The following GNPDA2 variants were observed in gnomAD, a reference collection of about 807,000 sequenced individuals.
GNPDA2 encodes glcN6P deaminase 2.
In GNPDA2, 24 loss-of-function variants were observed where a neutral mutation model predicts 27.0. The observed-to-expected ratio is 0.89, with a 90% CI of 0.64 to 1.25. GNPDA2 has a LOEUF of 1.25. Among genes scored for constraint, GNPDA2 ranks in the 50% most tolerant of loss-of-function variants. The pLI is 0.00. For missense variants in GNPDA2, 286 were observed against 335.1 expected (o/e 0.85, Z 1.14); for synonymous variants, 94 against 108.4 (o/e 0.87, Z 0.83).
intron 4 of GNPDA2, among the ~76,000 whole-genome samples, chr4:44,716,700 C>T (rs940633488): frequency 2.0e-5 from 3 of 151,842 alleles, no homozygotes; most frequent in Non-Finnish European, 4.4e-5. Flanking sequence ...CTAAAATCCA[C>T]CTGTTCCTCA....
intron 6 of GNPDA2, chr4:44,705,852 T>C (rs1716569053): frequency 1.3e-5 from 2 of 151,944 alleles, no homozygotes; most frequent in African/African-American, 2.4e-5. Context: ...AATGGGACTA[T>C]GAATACCCAT....
intron 6 of GNPDA2, chr4:44,704,820 T>C (rs1343238158): frequency 1.0e-6 from 1 of 982,966 alleles, no homozygotes; most frequent in Non-Finnish European, 1.2e-6. Flanking sequence ...ATTCTACCTT[T>C]GTCAAACTAC....
intron 5 of GNPDA2, among the ~76,000 whole-genome samples, chr4:44,708,594 C>T (rs1179591132): frequency 6.6e-6 from 1 of 151,968 alleles, no homozygotes; most frequent in African/African-American, 2.4e-5. Context: ...GCCCTAAATG[C>T]CAATGAAATA....
At chr4:44,704,825 A>G (rs1716488255) in intron 6 of GNPDA2, 1 of 983,202 alleles carries the variant, frequency 1.0e-6, no homozygotes, top group East Asian at 1.1e-4. Flanking sequence ...ACCTTTGTCA[A>G]ACTACTGAGG....
At chr4:44,708,301 C>T (rs1716743929) in intron 5 of GNPDA2, among the ~76,000 whole-genome samples, 1 of 151,992 alleles carries the variant, frequency 6.6e-6, no homozygotes, top group South Asian at 2.1e-4. Context: ...TAGAATGATA[C>T]ACCAAGTTGC....
rs1208115661 is a variant in GNPDA2 at position 44,718,340 on chromosome 4, A to G, written c.195T>C (p.Tyr65=). 4.5e-6 allele frequency: 6 copies of G among 1,339,990 alleles called. No individual in the cohort carries two copies. The highest frequency in any genetic ancestry group is 1.5e-5 in the African/African-American group (1 of 66,568). 83.0% of individuals were successfully genotyped at this position (1,339,990 alleles called of 1,614,324 possible). A position where few individuals can be genotyped will look rare whatever the true frequency, so the allele number is the denominator to read the frequency against. ...ATTCATCCATATTAAAGGTCTTCAC[A>G]TATTTAAAAGAAAGGTGTCCATTCT... ...YHKNGHLSFK[Y]VKTFNMDEYV... is the part of the protein sequence containing the mutation. Residue 65 remains tyrosine, a synonymous_variant, in exon 3 of 7, where the codon TAT becomes TAC. Coordinates refer to ENST00000295448, the MANE Select transcript of GNPDA2 (RefSeq NM_138335.3).
At chr4:44,720,393 G>A (rs1717588223) in intron 2 of GNPDA2, among the ~76,000 whole-genome samples, 1 of 151,740 alleles carries the variant, frequency 6.6e-6, no homozygotes, top group Non-Finnish European at 1.5e-5. Flanking sequence ...CTAGGAATAT[G>A]AGTGAAAGCA....
intron 4 of GNPDA2, among the ~76,000 whole-genome samples, chr4:44,716,103 T>C (rs1342321799): frequency 6.6e-6 from 1 of 151,972 alleles, no homozygotes; most frequent in Non-Finnish European, 1.5e-5. Context: ...ATGATGTACC[T>C]ATACTGAACT....
At chr4:44,712,938 A>C (rs1717062926) in intron 4 of GNPDA2, among the ~76,000 whole-genome samples, 1 of 152,212 alleles carries the variant, frequency 6.6e-6, no homozygotes, top group African/African-American at 2.4e-5. Flanking sequence ...CACTGTCTGG[A>C]GTAAATGTCA....
intron 4 of GNPDA2, 73 bp downstream of exon 4, chr4:44,717,040 A>T: frequency 9.2e-7 from 1 of 1,084,404 alleles, no homozygotes; most frequent in East Asian, 2.5e-5. Context: ...CAATGGGAAG[A>T]TTTATTTTTT....
At chr4:44,706,148 A>T (rs367611485) in intron 6 of GNPDA2, 5 of 151,852 alleles carry the variant, frequency 3.3e-5, no homozygotes, top group African/African-American at 7.2e-5. Context: ...TTGGGATGAA[A>T]TCTGAAGGGT....
At chr4:44,725,077 A>T (rs193159586) in intron 1 of GNPDA2, among the ~76,000 whole-genome samples, 1 of 152,340 alleles carries the variant, frequency 6.6e-6, no homozygotes, top group African/African-American at 2.4e-5. Context: ...AGAGCTTTCC[A>T]ATGTCTTCTG....
chr4:44,720,899 T>C (rs1263209869), intron 2 of GNPDA2, among the ~76,000 whole-genome samples: 3 of 152,094 alleles, frequency 2.0e-5, no homozygotes, highest in Non-Finnish European at 2.9e-5. Context: ...AAATTACTGT[T>C]TTTTTCTGCA....
At chr4:44,711,826 T>TATATAC (rs1560359882) in intron 4 of GNPDA2, among the ~76,000 whole-genome samples, 1 of 118,238 alleles carries the variant, frequency 8.5e-6, no homozygotes, top group Non-Finnish European at 2.0e-5. Flanking sequence ...TATATATATA[T>TATATAC]ATACACATAT....
chr4:44,721,920 T>C (rs544945460), intron 2 of GNPDA2, among the ~76,000 whole-genome samples, 164 bp downstream of exon 2: 16 of 152,184 alleles, frequency 1.1e-4, no homozygotes, highest in Admixed American at 2.0e-4. Flanking sequence ...TTGTAGATAG[T>C]AGATTTTATA....
At chr4:44,704,729 C>G (rs143699107) in intron 6 of GNPDA2, 34 of 983,938 alleles carry the variant, frequency 3.5e-5, no homozygotes, top group Non-Finnish European at 3.9e-5. Flanking sequence ...TGAAACGTTA[C>G]CAGAAGAAAG....
Position 44,707,778 on chromosome 4 carries a change from C to CT in GNPDA2, c.742dup (p.Arg248LysfsTer3), listed in dbSNP as rs1716703132. On this transcript the variant is annotated frameshift_variant, in exon 6 of 7. Transcript: ENST00000295448. LOFTEE classifies it high-confidence loss of function. ...TTTAAAGTATTTCACAGTTTTAACT[C>CT]TTAATTCTAAAGTAGCATCTTCATC... The CT allele has an allele frequency of 6.2e-7, 1 of 1,613,110 alleles. No homozygotes were observed. Among genetic ancestry groups the CT allele is most frequent in the African/African-American group, 1.3e-5 (1 of 74,990 alleles).
At chr4:44,716,981 G>T (rs1294726188) in intron 4 of GNPDA2, 132 bp downstream of exon 4, 2 of 546,350 alleles carry the variant, frequency 3.7e-6, no homozygotes, top group African/African-American at 2.0e-5. Flanking sequence ...GGAATCAGTA[G>T]CAGAATAAAC....
intron 1 of GNPDA2, among the ~76,000 whole-genome samples, chr4:44,724,189 G>C (rs1334030663): frequency 1.3e-5 from 2 of 152,092 alleles, no homozygotes; most frequent in African/African-American, 4.8e-5. Flanking sequence ...TTCTCTTTTA[G>C]GAAGTCAGCA....
Sources: gnomAD v4.1 joint callset for allele counts (sites outside exome capture counted in the v4.1 genomes callset) on GRCh38, gnomAD v4.1.1 for gene constraint, MANE v1.5 for transcripts, NCBI Gene and HGNC (gene_info 2026-07-23, HGNC 2026-07-21) for gene names.